Variants in DTNBP1 observed in about 807,000 individuals in gnomAD.
DTNBP1 encodes dystrobrevin binding protein 1.
A neutral mutation model predicts 42.8 loss-of-function variants in DTNBP1; 35 were observed. The ratio of observed to expected loss-of-function variants is 0.82; its 90% CI spans 0.63 to 1.09. The LOEUF (loss-of-function observed/expected upper bound fraction) is 1.09. DTNBP1 is among the 50% of genes least tolerant of loss of function. DTNBP1 has a pLI of 0.00. For synonymous variants in DTNBP1, 171 were observed against 162.2 expected (o/e 1.05, Z -0.41); for missense variants, 457 against 424.2 (o/e 1.08, Z -0.68).
chr6:15,613,963 TAAG>T (rs1349015180), intron 6 of DTNBP1, among the ~76,000 whole-genome samples: 4 of 152,122 alleles, frequency 2.6e-5, no homozygotes, highest in African/African-American at 9.7e-5. Context: ...GCTTGTGGAA[TAAG>T]GAGTCATTTC....
At chr6:15,612,467 A>G (rs1758462459) in intron 6 of DTNBP1, among the ~76,000 whole-genome samples, 1 of 152,244 alleles carries the variant, frequency 6.6e-6, no homozygotes, top group Admixed American at 6.5e-5. Flanking sequence ...ACATTTCAAC[A>G]TATCTTGATA....
At chr6:15,552,364 G>C (rs1774261840) in intron 7 of DTNBP1, among the ~76,000 whole-genome samples, 1 of 152,170 alleles carries the variant, frequency 6.6e-6, no homozygotes, top group Non-Finnish European at 1.5e-5. Context: ...CCTGAAAGTA[G>C]GCAGAGAAGC....
In DTNBP1 at chr6:15,627,416, G is replaced by A. The variant is rs753298238; in HGVS notation, c.282C>T (p.Leu94=). The change falls in exon 5 of 10, where the codon CTC becomes CTT. Residue 94 remains leucine (L), a synonymous_variant. Transcript: ENST00000344537. The part of the protein sequence containing the change: ...SAHWEKKKTS[L]VELQEQLQQL... Reference sequence around the variant, plus strand: ...GCTGGAGCTGCTCTTGCAGCTCCACGAGGCTTGTCTTTTTCTTCTCCCAGT... The same window carrying A: ...GCTGGAGCTGCTCTTGCAGCTCCACAAGGCTTGTCTTTTTCTTCTCCCAGT... 6.2e-6 allele frequency: 10 copies of A among 1,613,800 alleles called. 1 individual carries two copies. Among genetic ancestry groups the A allele is most frequent in the African/African-American group, 4.0e-5 (3 of 74,904 alleles).
intron 6 of DTNBP1, among the ~76,000 whole-genome samples, chr6:15,601,268 T>C (rs1188919585): frequency 6.6e-6 from 1 of 152,234 alleles, no homozygotes; most frequent in East Asian, 1.9e-4. Context: ...ACAATGTTGA[T>C]GCAATCTTTC....
chr6:15,633,370 GCC>G (rs777013047), intron 4 of DTNBP1, among the ~76,000 whole-genome samples: 1 of 152,152 alleles, frequency 6.6e-6, no homozygotes, highest in Admixed American at 6.5e-5. Flanking sequence ...TATTCTAGAT[GCC>G]ATCACACAAC....
chr6:15,601,681 TAAAAA>T lies in DTNBP1; in HGVS notation c.489-8605_489-8601del, dbSNP rs553025129. Among the ~76,000 whole-genome samples the T allele has an allele frequency of 2.1e-5, 3 of 140,880 alleles. No homozygotes were observed. In the South Asian group the frequency reaches 6.8e-4, roughly 32 times the overall value. The allele number at this position is 140,880 out of a possible 152,430, so 92.4% of individuals were successfully genotyped here. On this transcript the variant is annotated intron_variant, in intron 6 of 9. Coordinates refer to ENST00000344537, the MANE Select transcript of DTNBP1 (RefSeq NM_032122.5). ...CAAGATGGAGAAACCCCGTCTCTACTAAAAAAAAAAAAAAATTAGCCAGGTGTGGT... is the reference window on the plus strand; with the variant it reads ...CAAGATGGAGAAACCCCGTCTCTACTAAAAAAAAAATTAGCCAGGTGTGGT...
At chr6:15,575,081 C>T (rs1775504824) in intron 7 of DTNBP1, among the ~76,000 whole-genome samples, 1 of 152,198 alleles carries the variant, frequency 6.6e-6, no homozygotes, top group African/African-American at 2.4e-5. Context: ...TCTGTTCCTT[C>T]TACACAAACC....
chr6:15,613,460 G>A (rs574026481), intron 6 of DTNBP1, among the ~76,000 whole-genome samples: 15 of 133,844 alleles, frequency 1.1e-4, no homozygotes, highest in African/African-American at 1.9e-4. Flanking sequence ...TGCGCCTCCC[G>A]GGTTCATGCC....
At chr6:15,633,314 A>G (rs1390790715) in intron 4 of DTNBP1, among the ~76,000 whole-genome samples, 1 of 152,232 alleles carries the variant, frequency 6.6e-6, no homozygotes, top group Non-Finnish European at 1.5e-5. Flanking sequence ...AGTTCCTTCA[A>G]TTGATCTGAG....
chr6:15,581,491 T>TG (rs1775835149), intron 7 of DTNBP1, among the ~76,000 whole-genome samples: 1 of 144,976 alleles, frequency 6.9e-6, no homozygotes, highest in African/African-American at 2.6e-5. Flanking sequence ...TTTTTTTTTT[T>TG]TTTTTTTGAG....
At chr6:15,600,609 G>A (rs766777335) in intron 6 of DTNBP1, among the ~76,000 whole-genome samples, 30 of 152,288 alleles carry the variant, frequency 2.0e-4, no homozygotes, top group Non-Finnish European at 2.9e-4. Context: ...GGCTATTAGT[G>A]TAACTCAGGC....
intron 7 of DTNBP1, among the ~76,000 whole-genome samples, chr6:15,575,959 CAG>C (rs1775543617): frequency 6.6e-6 from 1 of 152,144 alleles, no homozygotes; most frequent in Non-Finnish European, 1.5e-5. Context: ...CTGTGAGACA[CAG>C]AGGAGGAGGA....
intron 3 of DTNBP1, among the ~76,000 whole-genome samples, chr6:15,647,698 G>A (rs1760766354): frequency 6.6e-6 from 1 of 151,724 alleles, no homozygotes; most frequent in Non-Finnish European, 1.5e-5. Context: ...TAGCTGAAGT[G>A]GACAAATTCC....
chr6:15,633,479 G>A (rs751807505), intron 4 of DTNBP1, among the ~76,000 whole-genome samples: 9 of 152,140 alleles, frequency 5.9e-5, no homozygotes, highest in Non-Finnish European at 1.2e-4. Context: ...GGGGTTCAAG[G>A]CTTCAGAAGT....
intron 8 of DTNBP1, 72 bp from the exon 9 acceptor site, chr6:15,524,741 A>G: frequency 6.3e-7 from 1 of 1,581,472 alleles, no homozygotes; most frequent in Non-Finnish European, 8.6e-7. Context: ...TTCCATTGGC[A>G]TTAGGCTAAC....
chr6:15,659,278 G>A (rs1562019416), intron 1 of DTNBP1, among the ~76,000 whole-genome samples: 1 of 152,202 alleles, frequency 6.6e-6, no homozygotes, highest in Admixed American at 6.5e-5. Context: ...AATGATCACA[G>A]AAGCTCCGAA....
At chr6:15,552,010 C>T (rs1158061200) in intron 7 of DTNBP1, among the ~76,000 whole-genome samples, 2 of 152,128 alleles carry the variant, frequency 1.3e-5, no homozygotes, top group Admixed American at 1.3e-4. Flanking sequence ...GCATGCCATT[C>T]TATGGGCTGG....
At chr6:15,653,665 A>T (rs1210248282) in intron 1 of DTNBP1, among the ~76,000 whole-genome samples, 1 of 152,242 alleles carries the variant, frequency 6.6e-6, no homozygotes, top group Non-Finnish European at 1.5e-5. Flanking sequence ...GGTTGCCAAT[A>T]AGTGAGTGCT....
intron 8 of DTNBP1, among the ~76,000 whole-genome samples, chr6:15,531,634 A>G (rs1466912730): frequency 6.6e-6 from 1 of 151,818 alleles, no homozygotes; most frequent in African/African-American, 2.4e-5. Flanking sequence ...ATTTCTTTTT[A>G]TTTATGTATT....
Sources: gnomAD v4.1 joint callset for allele counts (sites outside exome capture counted in the v4.1 genomes callset) on GRCh38, gnomAD v4.1.1 for gene constraint, MANE v1.5 for transcripts, NCBI Gene and HGNC (gene_info 2026-07-23, HGNC 2026-07-21) for gene names.